RALGAPB: variants seen among roughly 807,000 people sequenced by gnomAD.
The protein encoded by RALGAPB is Ral GTPase activating protein non-catalytic subunit beta.
A neutral mutation model predicts 161.1 loss-of-function variants in RALGAPB; 25 were observed. The ratio of observed to expected loss-of-function variants is 0.16; its 90% CI spans 0.11 to 0.22. RALGAPB has a LOEUF of 0.22. RALGAPB is among the 10% of genes least tolerant of loss of function. The pLI is 1.00. For missense variants in RALGAPB, 1,391 were observed against 1,815.2 expected (o/e 0.77, Z 4.25); for synonymous variants, 629 against 626.1 (o/e 1.00, Z -0.07).
At position 38,525,457 on chromosome 20, in the gene RALGAPB, C is replaced by T; in HGVS notation, c.1841C>T (p.Ser614Phe). 6.2e-7 allele frequency: 1 copy of T among 1,605,288 alleles called. No homozygotes were observed. Among genetic ancestry groups the T allele is most frequent in the Non-Finnish European group, 8.5e-7 (1 of 1,177,776 alleles). Residue 614 changes from serine to phenylalanine, a missense_variant, in exon 12 of 30, where the codon TCC becomes TTC. Coordinates refer to ENST00000262879, the MANE Select transcript of RALGAPB (RefSeq NM_020336.4). ...AATCCAACAGAATTGCGAAGATCCT[C>T]CATTAATATCCTGCTTTCTTTGTTG... ...YVNPTELRRS[S>F]INILLSLLPL...
At chr20:38,503,908 A>G (rs1046775982) in intron 5 of RALGAPB, among the ~76,000 whole-genome samples, 6 of 152,186 alleles carry the variant, frequency 3.9e-5, no homozygotes, top group Non-Finnish European at 7.4e-5. Flanking sequence ...ACCCTCCACC[A>G]GTGAAAAGAT....
chr20:38,553,963 A>C lies in RALGAPB; in HGVS notation c.3259A>C (p.Arg1087=). 6.2e-7 allele frequency: 1 copy of C among 1,613,014 alleles called. No individual in the cohort carries two copies. The highest frequency in any genetic ancestry group is 1.1e-5 in the South Asian group (1 of 91,068). Residue 1087 remains arginine (R), a synonymous_variant, in exon 22 of 30, where the codon AGA becomes CGA. Coordinates refer to ENST00000262879, the MANE Select transcript of RALGAPB (RefSeq NM_020336.4). ...EQQSEEELQK[R]SFPDPVTDCK... is the part of the protein sequence containing the mutation. ...ACAGAGTGAGGAGGAATTGCAGAAG[A>C]GAAGTTTTCCTGACCCAGTTACGGA... is the stretch of plus-strand genomic sequence containing the variant.
At position 38,577,759 on chromosome 20, in the gene RALGAPB, A is replaced by AT. The variant is rs2088492135; in HGVS notation, c.*2795dup. On this transcript the variant is annotated 3_prime_UTR_variant, in exon 30 of 30. Coordinates refer to ENST00000262879, the MANE Select transcript of RALGAPB (RefSeq NM_020336.4). ...CGCATACTCATGCACATTTTCCTTC[A>AT]TTTCCAGATCCTTTATTTCAGAGCA... 2 of 151,342 alleles carry AT rather than the reference A, an allele frequency of 1.3e-5. No homozygotes were observed. The highest frequency in any genetic ancestry group is 1.3e-4 in the Admixed American group (2 of 15,102). 9.4% of individuals were successfully genotyped at this position (151,342 alleles called of 1,614,324 possible).
chr20:38,525,745 A>G, intron 12 of RALGAPB, 150 bp from the exon 13 acceptor site: 1 of 865,956 alleles, frequency 1.2e-6, no homozygotes, highest in South Asian at 1.8e-5. Context: ...ACATCTATTA[A>G]CATATTGTTA....
At chr20:38,490,876 C>T (rs2085259533) in intron 2 of RALGAPB, among the ~76,000 whole-genome samples, 1 of 152,188 alleles carries the variant, frequency 6.6e-6, no homozygotes, top group Admixed American at 6.5e-5. Flanking sequence ...AACTCCTGAT[C>T]TCAGATGATC....
At chr20:38,558,258 A>G (rs761840082) in intron 22 of RALGAPB, 37 bp from the exon 23 acceptor site, 83 of 1,432,724 alleles carry the variant, frequency 5.8e-5, no homozygotes, top group Non-Finnish European at 7.5e-5. Flanking sequence ...ATGAAAGAAA[A>G]TAGGTAATAA....
intron 13 of RALGAPB, among the ~76,000 whole-genome samples, chr20:38,528,764 T>G (rs1286879998): frequency 2.0e-5 from 3 of 152,048 alleles, no homozygotes; most frequent in Non-Finnish European, 4.4e-5. Flanking sequence ...TATTGCAACC[T>G]CTGCCTCCTG....
intron 16 of RALGAPB, among the ~76,000 whole-genome samples, chr20:38,536,511 T>C (rs2086811542): frequency 6.6e-6 from 1 of 152,234 alleles, no homozygotes; most frequent in African/African-American, 2.4e-5. Context: ...CTGGGTCATA[T>C]GGTAACCCTA....
chr20:38,520,231 A>G, intron 9 of RALGAPB: 1 of 852,120 alleles, frequency 1.2e-6, no homozygotes, highest in Non-Finnish European at 1.4e-6. Flanking sequence ...TATTTCTATT[A>G]TCTTGCAGCA....
chr20:38,546,104 A>G, intron 18 of RALGAPB, 139 bp from the exon 19 acceptor site: 1 of 1,440,374 alleles, frequency 6.9e-7, no homozygotes, highest in Non-Finnish European at 9.3e-7. Flanking sequence ...CATTCACCAC[A>G]AGGAGTAAAT....
chr20:38,549,242 TAAAG>T (rs926685594), intron 20 of RALGAPB, among the ~76,000 whole-genome samples: 1 of 152,058 alleles, frequency 6.6e-6, no homozygotes, highest in Non-Finnish European at 1.5e-5. Context: ...ATTTTTTTTA[TAAAG>T]AGTCAGGGTC....
chr20:38,543,055 G>A (rs529244470), intron 18 of RALGAPB, among the ~76,000 whole-genome samples: 152 of 152,262 alleles, frequency 1.0e-3, no homozygotes, highest in Non-Finnish European at 1.3e-3. Flanking sequence ...TGTGCTCAGG[G>A]TGAGTAGAGT....
intron 3 of RALGAPB, among the ~76,000 whole-genome samples, chr20:38,496,412 A>G (rs1054503146): frequency 1.3e-5 from 2 of 152,158 alleles, no homozygotes; most frequent in African/African-American, 4.8e-5. Flanking sequence ...TTTGTGACAA[A>G]TGACAATATG....
rs1476151976 is a variant in RALGAPB at position 38,548,720 on chromosome 20, C to A, written c.2934C>A (p.Val978=). The change falls in exon 20 of 30, where the codon GTC becomes GTA. Residue 978 remains valine, a synonymous_variant. Transcript: ENST00000262879. ...TTTTCCCCTCTGTCACTGTGCTGGTCCGGGGAATGTCTGGAAGACTTGCTT... is the reference window on the plus strand; with the variant it reads ...TTTTCCCCTCTGTCACTGTGCTGGTACGGGGAATGTCTGGAAGACTTGCTT... The part of the protein sequence containing the change: ...NDFFPSVTVL[V]RGMSGRLAWA... The A allele has an allele frequency of 1.2e-6, 2 of 1,613,750 alleles. No individual in the cohort carries two copies. The highest frequency in any genetic ancestry group is 2.2e-5 in the East Asian group (1 of 44,892).
chr20:38,501,349 C>A (rs1158329914), intron 5 of RALGAPB, among the ~76,000 whole-genome samples: 2 of 152,154 alleles, frequency 1.3e-5, no homozygotes, highest in Non-Finnish European at 2.9e-5. Flanking sequence ...CAGTGGCTCA[C>A]ACCTGTAATC....
At chr20:38,486,542 G>A (rs763876634) in intron 1 of RALGAPB, among the ~76,000 whole-genome samples, 107 of 152,212 alleles carry the variant, frequency 7.0e-4, no homozygotes, top group Non-Finnish European at 1.2e-3. Context: ...TTTTCTGAAT[G>A]GGGTCTAGGA....
At chr20:38,499,820 TCAAG>T in intron 5 of RALGAPB, 187 bp downstream of exon 5, 1 of 430,902 alleles carries the variant, frequency 2.3e-6, no homozygotes, top group Non-Finnish European at 3.9e-6. Context: ...TTCAGAATAA[TCAAG>T]TATTCTTGAG....
intron 6 of RALGAPB, among the ~76,000 whole-genome samples, chr20:38,513,150 C>G (rs965763507): frequency 2.0e-5 from 3 of 152,062 alleles, no homozygotes; most frequent in Admixed American, 1.3e-4. Context: ...GGTAGATCAC[C>G]CAAGCTTAGG....
intron 13 of RALGAPB, among the ~76,000 whole-genome samples, chr20:38,527,322 T>C (rs1265997435): frequency 6.6e-6 from 1 of 152,150 alleles, no homozygotes; most frequent in Non-Finnish European, 1.5e-5. Context: ...AAAAGGCCTC[T>C]AAAACTGAGG....
Sources: allele counts gnomAD v4.1 joint callset (sites outside exome capture counted in the v4.1 genomes callset), GRCh38; gene constraint gnomAD v4.1.1; transcripts MANE v1.5; gene names NCBI Gene and HGNC (gene_info 2026-07-23, HGNC 2026-07-21).